The following MFAP1 variants were observed in gnomAD, a reference collection of about 807,000 sequenced individuals.
The protein encoded by MFAP1 is microfibrillar-associated protein 1.
Under a neutral mutation model 62.2 loss-of-function variants are expected in MFAP1, and 18 were observed. The observed-to-expected ratio is 0.29, with a 90% CI of 0.20 to 0.43. The LOEUF is 0.43. MFAP1 is among the 20% of genes least tolerant of loss of function. The pLI, the probability that MFAP1 is intolerant of heterozygous loss-of-function variation, is 1.00. For missense variants in MFAP1, 355 were observed against 559.7 expected, an observed-to-expected ratio of 0.63 and a Z score of 3.69; for synonymous variants, 175 against 180.4, an observed-to-expected ratio of 0.97 and a Z score of 0.24.
In MFAP1 at chr15:43,815,087, A is replaced by G. The variant is rs566926725; in HGVS notation, c.300-13T>C. On this transcript the variant is annotated splice_polypyrimidine_tract_variant and intron_variant, in intron 2 of 8. Coordinates refer to ENST00000267812, the MANE Select transcript of MFAP1 (RefSeq NM_005926.3). ...ATGTCGAGCCAATCTGAAAAACAGT[A>G]TCTCCAAATGTAACACCAATGTCAT... 10 of 1,613,822 alleles carry G rather than the reference A, an allele frequency of 6.2e-6. No individual in the cohort carries two copies. Among genetic ancestry groups the G allele is most frequent in the South Asian group, 5.5e-5 (5 of 91,060 alleles).
intron 1 of MFAP1, among the ~76,000 whole-genome samples, chr15:43,823,260 A>G (rs2141714291): frequency 6.6e-6 from 1 of 152,234 alleles, no homozygotes; most frequent in African/African-American, 2.4e-5. Context: ...TGCTGAGATT[A>G]CAGGTGTAAG....
chr15:43,820,796 C>T lies in MFAP1; in HGVS notation c.80-3348G>A, dbSNP rs147040682. ...AATTTTTAAAATTTTTTTGTACAGA[C>T]GAGGTCTCACTATGCTGCCCATGCT... On this transcript the variant is annotated intron_variant, in intron 1 of 8. Coordinates refer to ENST00000267812, the MANE Select transcript of MFAP1 (RefSeq NM_005926.3). 4.9e-3 allele frequency among the ~76,000 whole-genome samples: 745 copies of T among 152,094 alleles called. 4 individuals carry two copies. The highest frequency in any genetic ancestry group is 7.3e-3 in the Non-Finnish European group (494 of 67,974).
At chr15:43,811,415 CA>C (rs573152892) in intron 6 of MFAP1, among the ~76,000 whole-genome samples, 110 of 73,764 alleles carry the variant, frequency 1.5e-3, no homozygotes, top group Non-Finnish European at 2.0e-3. Flanking sequence ...GACTGTGTCT[CA>C]AAAAAAAAAA....
At chr15:43,807,403 C>T (rs1297268705) in intron 7 of MFAP1, among the ~76,000 whole-genome samples, 1 of 150,550 alleles carries the variant, frequency 6.6e-6, no homozygotes, top group East Asian at 2.0e-4. Flanking sequence ...GGCTAGAGTG[C>T]AGTGGCGTGA....
chr15:43,823,704 C>A (rs999054924), intron 1 of MFAP1, among the ~76,000 whole-genome samples: 12 of 152,144 alleles, frequency 7.9e-5, no homozygotes, highest in African/African-American at 2.9e-4. Context: ...AAGGGGACAA[C>A]CACCTGCCTC....
chr15:43,814,901 T>C (rs747774413), intron 3 of MFAP1, 44 bp downstream of exon 3: 2 of 1,608,172 alleles, frequency 1.2e-6, no homozygotes, highest in East Asian at 2.2e-5. Context: ...GCATGAACTT[T>C]TTCTTATATC....
intron 7 of MFAP1, among the ~76,000 whole-genome samples, chr15:43,809,362 G>A (rs2087384074): frequency 6.6e-6 from 1 of 151,148 alleles, no homozygotes; most frequent in African/African-American, 2.4e-5. Flanking sequence ...AGCCAGGCAT[G>A]GTTGTTGCAT....
chr15:43,813,418 T>C, intron 4 of MFAP1, 61 bp from the exon 5 acceptor site: 2 of 1,483,242 alleles, frequency 1.3e-6, no homozygotes, highest in Non-Finnish European at 9.1e-7. Flanking sequence ...TTTGTTCCCC[T>C]AGACCTAGTC....
At chr15:43,823,039 G>A (rs1304253501) in intron 1 of MFAP1, among the ~76,000 whole-genome samples, 1 of 151,452 alleles carries the variant, frequency 6.6e-6, no homozygotes, top group South Asian at 2.1e-4. Context: ...GTTTCACCAC[G>A]TTGGCCAGGT....
rs1355116240 is a variant in MFAP1 at position 43,804,791 on chromosome 15, AAGTC to A, written c.*299_*302del. 3.5e-5 allele frequency: 9 copies of A among 257,392 alleles called. No individual in the cohort carries two copies. Among genetic ancestry groups the A allele is most frequent in the African/African-American group, 8.8e-5 (4 of 45,438 alleles). 15.9% of individuals were successfully genotyped at this position (257,392 alleles called of 1,614,324 possible). On this transcript the variant is annotated 3_prime_UTR_variant, in exon 9 of 9. Coordinates refer to ENST00000267812, the MANE Select transcript of MFAP1 (RefSeq NM_005926.3). ...ACCCAAGCTAAGGGCTGGAAAAAGA[AAGTC>A]AGAACAGTCCCAAGTAAATATGGGA...
intron 4 of MFAP1, 80 bp downstream of exon 4, chr15:43,814,421 A>G: frequency 6.8e-7 from 1 of 1,467,206 alleles, no homozygotes; most frequent in South Asian, 1.4e-5. Context: ...TCAGAATAGC[A>G]AGACAGAAAA....
chr15:43,823,433 A>G (rs1314513449), intron 1 of MFAP1, among the ~76,000 whole-genome samples: 2 of 151,298 alleles, frequency 1.3e-5, no homozygotes, highest in East Asian at 1.9e-4. Flanking sequence ...CTGGAGTGCA[A>G]TGGTGCGATC....
At chr15:43,805,676 G>C (rs1371314259) in intron 7 of MFAP1, among the ~76,000 whole-genome samples, 1 of 151,194 alleles carries the variant, frequency 6.6e-6, no homozygotes, top group Non-Finnish European at 1.5e-5. Context: ...GCACTGCCGC[G>C]ATCTTGGCTC....
chr15:43,817,674 A>G (rs568114255), intron 1 of MFAP1, among the ~76,000 whole-genome samples: 1 of 152,310 alleles, frequency 6.6e-6, no homozygotes, highest in Admixed American at 6.5e-5. Context: ...AATGAGGCTT[A>G]CCTTGAGTAC....
At chr15:43,814,737 T>C (rs2087423751) in intron 3 of MFAP1, 49 bp from the exon 4 acceptor site, 27 of 1,583,994 alleles carry the variant, frequency 1.7e-5, no homozygotes, top group Non-Finnish European at 2.2e-5. Context: ...CTATGGCTTT[T>C]TGTTCGTCTC....
In MFAP1 at chr15:43,814,845, C is replaced by G. The variant is rs895887430; in HGVS notation, c.429+100G>C. On this transcript the variant is annotated intron_variant, in intron 3 of 8. Coordinates refer to ENST00000267812, the MANE Select transcript of MFAP1 (RefSeq NM_005926.3). ...ACAAGGAACATGATCAGAGTCCTGC[C>G]AAAGCAGTGATCTCATGTTTTTAAG... 5.2e-6 allele frequency: 8 copies of G among 1,532,840 alleles called. No homozygotes were observed. The African/African-American group carries it at 9.6e-5, about 18-fold the overall frequency. 95.0% of individuals were successfully genotyped at this position (1,532,840 alleles called of 1,614,324 possible). A position where few individuals can be genotyped will look rare whatever the true frequency, so the allele number is the denominator to read the frequency against.
intron 6 of MFAP1, among the ~76,000 whole-genome samples, chr15:43,810,919 A>G (rs1312909816): frequency 6.6e-6 from 1 of 150,446 alleles, no homozygotes; most frequent in African/African-American, 2.4e-5. Context: ...ACCATGCCCG[A>G]CTAATTTTTG....
intron 1 of MFAP1, among the ~76,000 whole-genome samples, chr15:43,822,831 AATT>A (rs574275079): frequency 6.6e-6 from 1 of 151,040 alleles, no homozygotes; most frequent in Admixed American, 6.6e-5. Flanking sequence ...GCTAATTTTT[AATT>A]ATTATTATTA....
chr15:43,821,356 A>C (rs1006202507), intron 1 of MFAP1, among the ~76,000 whole-genome samples: 1 of 152,146 alleles, frequency 6.6e-6, no homozygotes, highest in African/African-American at 2.4e-5. Context: ...AATTCCATTA[A>C]AAGTTGTCTC....
Sources: allele counts gnomAD v4.1 joint callset (sites outside exome capture counted in the v4.1 genomes callset), GRCh38; gene constraint gnomAD v4.1.1; transcripts MANE v1.5; gene names NCBI Gene and HGNC (gene_info 2026-07-23, HGNC 2026-07-21).